The following BCKDHB variants were observed in gnomAD, a reference collection of about 807,000 sequenced individuals.
BCKDHB encodes the protein branched chain keto acid dehydrogenase E1 subunit beta.
Under a neutral mutation model 48.5 loss-of-function variants are expected in BCKDHB, and 41 were observed. That is an observed-to-expected ratio of 0.85 (90% confidence interval 0.66 to 1.10). BCKDHB has a LOEUF of 1.10. BCKDHB is among the 50% of genes least tolerant of loss of function. BCKDHB has a pLI of 0.00. For missense variants in BCKDHB, 496 were observed against 494.2 expected (o/e 1.00, Z -0.03); for synonymous variants, 201 against 174.8 (o/e 1.15, Z -1.18).
chr6:80,202,971 T>G (rs1774465779), intron 7 of BCKDHB, 131 bp from the exon 8 acceptor site: 1 of 712,926 alleles, frequency 1.4e-6, no homozygotes. Context: ...TAAAACAAAT[T>G]TATAAATTCT....
the BCKDHB span, among the ~76,000 whole-genome samples, chr6:80,390,087 C>T: frequency 2.0e-5 from 3 of 152,172 alleles, no homozygotes; most frequent in African/African-American, 7.2e-5. Flanking sequence ...AACAGACTAA[C>T]AAAGGAGTTA....
At chr6:80,385,971 T>C in the BCKDHB span, among the ~76,000 whole-genome samples, 1 of 152,170 alleles carries the variant, frequency 6.6e-6, no homozygotes, top group Non-Finnish European at 1.5e-5. Context: ...TTTATTTGCT[T>C]GGTTAGCTGA....
intron 1 of BCKDHB, among the ~76,000 whole-genome samples, chr6:80,120,166 CCAT>C (rs1358212255): frequency 3.3e-5 from 5 of 152,134 alleles, no homozygotes; most frequent in Non-Finnish European, 7.3e-5. Flanking sequence ...CCAGCTTCAT[CCAT>C]GTCCCTGCAA....
chr6:80,163,218 A>T (rs1219079246), intron 3 of BCKDHB, among the ~76,000 whole-genome samples: 1 of 151,662 alleles, frequency 6.6e-6, no homozygotes, highest in Non-Finnish European at 1.5e-5. Flanking sequence ...TCTCTCTTTT[A>T]TAGCACCGTT....
the BCKDHB span, among the ~76,000 whole-genome samples, chr6:80,412,709 C>G: frequency 2.6e-5 from 4 of 152,002 alleles, no homozygotes; most frequent in Non-Finnish European, 5.9e-5. Flanking sequence ...TATGGCAGGC[C>G]TGGTGTGACC....
intron 8 of BCKDHB, among the ~76,000 whole-genome samples, chr6:80,205,776 C>T (rs999879698): frequency 1.4e-5 from 2 of 147,258 alleles, no homozygotes; most frequent in African/African-American, 5.1e-5. Context: ...AGACAGAGAC[C>T]TACCCTGTGC....
rs763645251 is a variant in BCKDHB, at chr6:80,168,925, C to G, written c.528C>G (p.Asn176Lys). The change falls in exon 5 of 10, where the codon AAC becomes AAG. Residue 176 changes from asparagine (N) to lysine (K), a missense_variant. By Grantham distance (94) the Asn-to-Lys change is moderately conservative. Coordinates refer to ENST00000320393, the MANE Select transcript of BCKDHB (RefSeq NM_183050.4). ...GCTATCGCTCTGGGGATCTTTTTAA[C>G]TGTGGAAGCCTCACTATCCGGTCCC... Reference protein sequence around the residue: ...KYRYRSGDLFNCGSLTIRSPW... With the variant: ...KYRYRSGDLFKCGSLTIRSPW... The G allele has an allele frequency of 3.1e-6, 5 of 1,614,006 alleles. No homozygotes were observed. In the African/African-American group the frequency reaches 5.3e-5, roughly 17 times the overall value.
intron 6 of BCKDHB, among the ~76,000 whole-genome samples, chr6:80,189,687 A>G (rs1172816796): frequency 6.6e-6 from 1 of 152,206 alleles, no homozygotes; most frequent in African/African-American, 2.4e-5. Flanking sequence ...GGTAGAAAAC[A>G]CTAAACTCTT....
At chr6:80,444,338 A>C in the BCKDHB span, among the ~76,000 whole-genome samples, 5 of 152,198 alleles carry the variant, frequency 3.3e-5, no homozygotes, top group African/African-American at 1.2e-4. Flanking sequence ...GAAGAGAAAT[A>C]GAAAGATAAA....
chr6:80,148,426 C>T (rs933535805), intron 3 of BCKDHB, among the ~76,000 whole-genome samples: 4 of 152,030 alleles, frequency 2.6e-5, no homozygotes, highest in African/African-American at 9.7e-5. Flanking sequence ...GCTTTTGGGT[C>T]CTCAAAACAG....
chr6:80,340,045 G>A (rs1371381007), intron 9 of BCKDHB, among the ~76,000 whole-genome samples: 3 of 152,106 alleles, frequency 2.0e-5, no homozygotes, highest in Admixed American at 2.0e-4. Flanking sequence ...TGTTAAGATG[G>A]TTAAATTAGA....
chr6:80,254,855 CT>C (rs1379799060), intron 8 of BCKDHB, among the ~76,000 whole-genome samples: 1 of 152,154 alleles, frequency 6.6e-6, no homozygotes, highest in East Asian at 1.9e-4. Context: ...TGATTTTGGA[CT>C]TTTGGCCTCC....
chr6:80,443,485 A>C, the BCKDHB span: 3 of 152,196 alleles, frequency 2.0e-5, no homozygotes, highest in African/African-American at 7.2e-5. Context: ...CAATATGTTA[A>C]GGACATGAAG....
At chr6:80,176,393 G>A (rs1305771712) in intron 6 of BCKDHB, among the ~76,000 whole-genome samples, 1 of 152,140 alleles carries the variant, frequency 6.6e-6, no homozygotes. Flanking sequence ...GAATGCCAAA[G>A]CTGGCTTTTT....
intron 3 of BCKDHB, among the ~76,000 whole-genome samples, chr6:80,132,154 G>T (rs73479932): frequency 0.072 from 10,924 of 151,704 alleles, 588 homozygotes; most frequent in South Asian, 0.24. Flanking sequence ...TGCTATCTGG[G>T]TCTCTCTACC....
At chr6:80,380,303 T>C in the BCKDHB span, among the ~76,000 whole-genome samples, 1 of 152,038 alleles carries the variant, frequency 6.6e-6, no homozygotes, top group African/African-American at 2.4e-5. Context: ...CCAATGGATC[T>C]TTGATAAAGT....
chr6:80,106,713 C>G lies in BCKDHB; in HGVS notation c.20C>G (p.Ala7Gly), dbSNP rs763552519. 5 of 1,552,058 alleles carry G rather than the reference C, an allele frequency of 3.2e-6. No homozygotes were observed. The highest frequency in any genetic ancestry group is 2.7e-5 in the African/African-American group (2 of 73,092). Residue 7 changes from alanine (A) to glycine (G), a missense_variant, in exon 1 of 10, where the codon GCT (alanine) becomes GGT (glycine). By Grantham distance (60) the Ala-to-Gly change is moderately conservative (BLOSUM62 0). Transcript: ENST00000320393. ...GCGGGGATGGCGGTTGTAGCGGCGG[C>G]TGCCGGCTGGCTACTCAGGCTCAGG... MAVVAA[A>G]AGWLLRLRAA...
At chr6:80,182,192 T>C (rs945944045) in intron 6 of BCKDHB, among the ~76,000 whole-genome samples, 1 of 152,296 alleles carries the variant, frequency 6.6e-6, no homozygotes, top group African/African-American at 2.4e-5. Context: ...AGGCAATTAT[T>C]CTATTTTGTG....
intron 6 of BCKDHB, among the ~76,000 whole-genome samples, chr6:80,194,075 C>G (rs1230590504): frequency 6.6e-6 from 1 of 152,154 alleles, no homozygotes; most frequent in Non-Finnish European, 1.5e-5. Context: ...TATAGTGTCT[C>G]TGTCAGGCCT....
Sources: gnomAD v4.1 joint callset for allele counts (sites outside exome capture counted in the v4.1 genomes callset) on GRCh38, gnomAD v4.1.1 for gene constraint, MANE v1.5 for transcripts, NCBI Gene and HGNC (gene_info 2026-07-23, HGNC 2026-07-21) for gene names.